The following SPPL2A variants were observed in gnomAD, a reference collection of about 807,000 sequenced individuals.
SPPL2A encodes the protein signal peptide peptidase-like 2A.
A neutral mutation model predicts 63.8 loss-of-function variants in SPPL2A; 51 were observed. The observed-to-expected ratio is 0.80, with a 90% CI of 0.64 to 1.01. SPPL2A has a LOEUF of 1.01. SPPL2A is among the 50% of genes least tolerant of loss of function. The probability of loss-of-function intolerance (pLI) is 0.00; values close to 1 mark genes in which losing one functional copy is unlikely to be tolerated. For missense variants in SPPL2A, 553 were observed against 622.7 expected (o/e 0.89, Z 1.19); for synonymous variants, 188 against 205.8 (o/e 0.91, Z 0.74).
Position 50,749,726 on chromosome 15 carries a change from G to T in SPPL2A, c.87C>A (p.Ile29=). 1 of 1,612,946 alleles carries T rather than the reference G, an allele frequency of 6.2e-7. No homozygotes were observed. The highest frequency in any genetic ancestry group is 8.5e-7 in the Non-Finnish European group (1 of 1,178,860). The change falls in exon 2 of 15, where the codon ATC becomes ATA. Residue 29 remains isoleucine (I), a synonymous_variant. Transcript: ENST00000261854. ...TTGTGCCATTTCCAGACGCATGCAA[G>T]ATTGCTTCCTGAGCGGCTGTCTAGG... ...LLQLTAAQEA[I]LHASGNGTTK... is the part of the protein sequence containing the mutation.
chr15:50,726,151 G>A, intron 11 of SPPL2A, 170 bp downstream of exon 11: 4 of 1,522,042 alleles, frequency 2.6e-6, no homozygotes, highest in Non-Finnish European at 3.5e-6. Context: ...AAGTCAATAG[G>A]TATTTAATAA....
intron 10 of SPPL2A, among the ~76,000 whole-genome samples, chr15:50,730,261 T>C (rs2062720131): frequency 6.6e-6 from 1 of 152,070 alleles, no homozygotes; most frequent in African/African-American, 2.4e-5. Flanking sequence ...TGGGAATATA[T>C]GACCTAGGAG....
intron 1 of SPPL2A, 114 bp downstream of exon 1, chr15:50,765,354 C>T (rs1039626899): frequency 1.6e-5 from 11 of 689,394 alleles, no homozygotes; most frequent in Non-Finnish European, 2.3e-5. Context: ...GAGAGCAGGC[C>T]GCGGAGGTGC....
At position 50,721,638 on chromosome 15, in the gene SPPL2A, C is replaced by T. The variant is rs1046448113; in HGVS notation, c.1327+486G>A. Among the ~76,000 whole-genome samples the T allele has an allele frequency of 9.0e-4, 135 of 150,526 alleles. 1 individual carries two copies. The highest frequency in any genetic ancestry group is 3.1e-3 in the African/African-American group (128 of 40,974). On this transcript the variant is annotated intron_variant, in intron 13 of 14. Coordinates refer to ENST00000261854, the MANE Select transcript of SPPL2A (RefSeq NM_032802.4). Reference sequence around the variant, plus strand: ...TTTTTTTTTTTGAGGCAGAGTCTTGCTCTGTCACCAGGCTGGAGTGCAGTG... The same window carrying T: ...TTTTTTTTTTTGAGGCAGAGTCTTGTTCTGTCACCAGGCTGGAGTGCAGTG...
rs1014076336 is a variant in SPPL2A, at chr15:50,738,277, G to A, written c.733+1403C>T. On this transcript the variant is annotated intron_variant, in intron 6 of 14. Coordinates refer to ENST00000261854, the MANE Select transcript of SPPL2A (RefSeq NM_032802.4). ...ACAAAAACTGAATGAGGCTGGGTGC[G>A]GTAACTCACGCCTGTAATCCTAGCA... Among the ~76,000 whole-genome samples, 4 of 151,606 alleles carry A rather than the reference G, an allele frequency of 2.6e-5. No individual in the cohort carries two copies. In the East Asian group the frequency reaches 7.9e-4, roughly 30 times the overall value.
chr15:50,742,003 G>GA (rs954007627), intron 5 of SPPL2A, among the ~76,000 whole-genome samples: 32 of 148,916 alleles, frequency 2.1e-4, no homozygotes, highest in South Asian at 8.5e-4. Context: ...CATCTTTTTT[G>GA]AAAAAAAAAA....
intron 2 of SPPL2A, 101 bp from the exon 3 acceptor site, chr15:50,748,971 C>A (rs189615054): frequency 1.3e-5 from 8 of 639,282 alleles, no homozygotes; most frequent in South Asian, 2.9e-5. Context: ...TGGTTTAAGA[C>A]AATATCTTTT....
At position 50,765,637 on chromosome 15, in the gene SPPL2A, C is replaced by G; in HGVS notation, c.-104G>C. ...CGCTGCCTCCGTGGCCGGACCGGAC[C>G]GGACAGGCGCGGGCGGCCGGGCTAC... On this transcript the variant is annotated 5_prime_UTR_variant, in exon 1 of 15. Coordinates refer to ENST00000261854, the MANE Select transcript of SPPL2A (RefSeq NM_032802.4). The G allele has an allele frequency of 1.3e-6, 1 of 756,154 alleles. No individual in the cohort carries two copies. The highest frequency in any genetic ancestry group is 1.9e-6 in the Non-Finnish European group (1 of 537,568). 46.8% of individuals were successfully genotyped at this position (756,154 alleles called of 1,614,324 possible).
chr15:50,733,073 G>T (rs2141036625), intron 8 of SPPL2A, among the ~76,000 whole-genome samples: 1 of 152,246 alleles, frequency 6.6e-6, no homozygotes, highest in South Asian at 2.1e-4. Flanking sequence ...CTAAGAAAAA[G>T]TTGAAAAGGC....
chr15:50,720,512 CT>C (rs768136004), intron 13 of SPPL2A, among the ~76,000 whole-genome samples: 3 of 119,772 alleles, frequency 2.5e-5, no homozygotes, highest in African/African-American at 5.7e-5. Context: ...TACTTTTGAA[CT>C]TTTCTTTTTT....
chr15:50,759,816 C>T lies in SPPL2A; in HGVS notation c.66+5652G>A, dbSNP rs948568003. On this transcript the variant is annotated intron_variant, in intron 1 of 14. Transcript: ENST00000261854. ...GGAAAAATAGCAAAAGACCTTGGTT[C>T]TAGTCCTATTTTTCATGACTTTCTA... 1.3e-4 allele frequency among the ~76,000 whole-genome samples: 20 copies of T among 151,704 alleles called. 1 individual carries two copies. Among genetic ancestry groups the T allele is most frequent in the Non-Finnish European group, 7.4e-5 (5 of 67,958 alleles).
At chr15:50,723,730 T>A (rs5005217) in intron 12 of SPPL2A, among the ~76,000 whole-genome samples, 1 of 152,038 alleles carries the variant, frequency 6.6e-6, no homozygotes, top group Non-Finnish European at 1.5e-5. Context: ...CCTGCCTCAG[T>A]CTCCCAAAGG....
At chr15:50,761,957 T>C (rs1394767300) in intron 1 of SPPL2A, among the ~76,000 whole-genome samples, 3 of 149,488 alleles carry the variant, frequency 2.0e-5, no homozygotes, top group African/African-American at 4.9e-5. Context: ...AGAGCCAGCA[T>C]AAACAATATC....
rs765759297 is a variant in SPPL2A at position 50,704,810 on chromosome 15, G to T, written c.*2990C>A. On this transcript the variant is annotated 3_prime_UTR_variant, in exon 15 of 15. Transcript: ENST00000261854. ...ATATAAAGTTGACATTGAGGATGAA[G>T]AAACTTAATTATACTTTTTCTTATT... 32 of 152,172 alleles carry T rather than the reference G, an allele frequency of 2.1e-4. No individual in the cohort carries two copies. Among genetic ancestry groups the T allele is most frequent in the Non-Finnish European group, 4.4e-4 (30 of 68,038 alleles). 9.4% of individuals were successfully genotyped at this position (152,172 alleles called of 1,614,324 possible).
chr15:50,740,141 G>A (rs1325773454), intron 5 of SPPL2A, among the ~76,000 whole-genome samples: 1 of 151,928 alleles, frequency 6.6e-6, no homozygotes, highest in Non-Finnish European at 1.5e-5. Flanking sequence ...TGAAAGAGAT[G>A]ACGTTGGCCG....
Position 50,713,640 on chromosome 15 carries a change from A to C in SPPL2A, c.1489-5766T>G, listed in dbSNP as rs139119081. ...CAAATGTCCCTTCCCATATTTCAAC[A>C]TTTTGTGCATAATGAGAAAAATGAC... On this transcript the variant is annotated intron_variant, in intron 14 of 14. Transcript: ENST00000261854. Among the ~76,000 whole-genome samples the C allele has an allele frequency of 3.3e-4, 50 of 152,126 alleles. 1 individual carries two copies. In the East Asian group the frequency reaches 9.1e-3, roughly 28 times the overall value.
chr15:50,712,712 C>T (rs2062569650), intron 14 of SPPL2A, among the ~76,000 whole-genome samples: 1 of 118,174 alleles, frequency 8.5e-6, no homozygotes, highest in African/African-American at 3.2e-5. Context: ...CGGAGTCTTG[C>T]TCTGTCACCC....
intron 14 of SPPL2A, among the ~76,000 whole-genome samples, chr15:50,716,682 C>CA (rs1211823089): frequency 6.6e-6 from 1 of 152,178 alleles, no homozygotes; most frequent in Non-Finnish European, 1.5e-5. Context: ...AATGTCAACT[C>CA]ACAATAAAAT....
intron 6 of SPPL2A, among the ~76,000 whole-genome samples, chr15:50,739,145 T>C (rs958502157): frequency 1.3e-5 from 2 of 151,530 alleles, no homozygotes; most frequent in Non-Finnish European, 2.9e-5. Flanking sequence ...CATGAAGAAG[T>C]GTTCTTATCT....
Sources: allele counts gnomAD v4.1 joint callset (sites outside exome capture counted in the v4.1 genomes callset), GRCh38; gene constraint gnomAD v4.1.1; transcripts MANE v1.5; gene names NCBI Gene and HGNC (gene_info 2026-07-23, HGNC 2026-07-21).